ROBO2: variants seen among roughly 807,000 people sequenced by gnomAD.
The protein encoded by ROBO2 is roundabout guidance receptor 2.
ROBO2 carries 53 observed loss-of-function variants against 160.8 expected under a neutral mutation model. The ratio of observed to expected loss-of-function variants is 0.33; its 90% CI spans 0.26 to 0.41. ROBO2 has a LOEUF of 0.41. ROBO2 is among the 10% of genes least tolerant of loss of function. ROBO2 has a pLI of 1.00. For missense variants in ROBO2, 1,577 were observed against 1,722.4 expected, an observed-to-expected ratio of 0.92 and a Z score of 1.49; for synonymous variants, 664 against 611.7, an observed-to-expected ratio of 1.09 and a Z score of -1.26.
intron 2 of ROBO2, among the ~76,000 whole-genome samples, chr3:76,388,513 C>T (rs1367403234): frequency 3.9e-5 from 6 of 152,038 alleles, no homozygotes; most frequent in Admixed American, 2.0e-4. Flanking sequence ...CCTCGCGATC[C>T]GCCCACCTCA....
chr3:76,875,807 C>A (rs1451727506), intron 2 of ROBO2, among the ~76,000 whole-genome samples: 1 of 152,112 alleles, frequency 6.6e-6, no homozygotes. Context: ...GTGCCTGCTA[C>A]CACATCCTGT....
chr3:76,682,843 G>A (rs2092598478), intron 2 of ROBO2, among the ~76,000 whole-genome samples: 1 of 152,162 alleles, frequency 6.6e-6, no homozygotes, highest in African/African-American at 2.4e-5. Context: ...TCACGTGTTA[G>A]GTTGAAGATA....
chr3:76,922,985 C>G (rs1042296768), intron 2 of ROBO2, among the ~76,000 whole-genome samples: 2 of 152,184 alleles, frequency 1.3e-5, no homozygotes, highest in Non-Finnish European at 2.9e-5. Flanking sequence ...TATCCGCTCT[C>G]AAGAGAACTC....
At chr3:77,649,514 C>T (rs1385313480) in exon 26 of ROBO2, 1 of 152,136 alleles carries the variant, frequency 6.6e-6, no homozygotes, top group Non-Finnish European at 1.5e-5. Flanking sequence ...ATTTGTTCAT[C>T]TGCTTCTGTA....
intron 2 of ROBO2, among the ~76,000 whole-genome samples, chr3:76,121,536 T>A (rs2070753399): frequency 6.6e-6 from 1 of 152,172 alleles, no homozygotes; most frequent in Admixed American, 6.5e-5. Flanking sequence ...GTAACAGTTC[T>A]GGATCAAACC....
rs114520996 is a variant in ROBO2 at position 77,272,290 on chromosome 3, G to C, written c.388+173950G>C. Among the ~76,000 whole-genome samples the C allele has an allele frequency of 5.5e-3, 833 of 152,268 alleles. 9 individuals carry two copies. Among genetic ancestry groups the C allele is most frequent in the African/African-American group, 0.019 (807 of 41,570 alleles). ...ATTCATAAAGAAAAGAGGTTTAACT[G>C]TCTCACAGTTCCACAAGCTGTAGAG... On this transcript the variant is annotated intron_variant, in intron 2 of 25. Coordinates refer to ENST00000461745, the Ensembl canonical transcript of ROBO2.
At chr3:77,519,511 C>T (rs1561059591) in intron 5 of ROBO2, among the ~76,000 whole-genome samples, 1 of 151,252 alleles carries the variant, frequency 6.6e-6, no homozygotes, top group African/African-American at 2.4e-5. Flanking sequence ...CCCCCTCCTT[C>T]TCTCTTTCCT....
intron 2 of ROBO2, among the ~76,000 whole-genome samples, chr3:77,402,019 G>T (rs1171068597): frequency 6.6e-6 from 1 of 152,118 alleles, no homozygotes; most frequent in African/African-American, 2.4e-5. Context: ...GTAAAGACTT[G>T]CAACCAACCC....
chr3:76,943,705 T>A (rs2078339173), intron 2 of ROBO2, among the ~76,000 whole-genome samples: 1 of 152,324 alleles, frequency 6.6e-6, no homozygotes, highest in African/African-American at 2.4e-5. Context: ...ATCAGTACTT[T>A]TTTTTTCTAC....
chr3:76,213,719 A>G (rs184426756), intron 2 of ROBO2, among the ~76,000 whole-genome samples: 1 of 152,178 alleles, frequency 6.6e-6, no homozygotes, highest in Non-Finnish European at 1.5e-5. Context: ...AAGTCAAAAA[A>G]CTTTTAGACT....
chr3:76,744,197 T>A (rs1308147932), intron 2 of ROBO2, among the ~76,000 whole-genome samples: 1 of 152,120 alleles, frequency 6.6e-6, no homozygotes, highest in African/African-American at 2.4e-5. Flanking sequence ...GCTTAAACAA[T>A]AGGATTTTGT....
chr3:76,745,204 C>T (rs1014178945), intron 2 of ROBO2, among the ~76,000 whole-genome samples: 1 of 152,052 alleles, frequency 6.6e-6, no homozygotes, highest in Admixed American at 6.6e-5. Context: ...CAATATATCT[C>T]TATATTGGTG....
intron 2 of ROBO2, among the ~76,000 whole-genome samples, chr3:77,228,331 A>C (rs1310470854): frequency 1.3e-5 from 2 of 151,614 alleles, no homozygotes; most frequent in Non-Finnish European, 2.9e-5. Context: ...CACACAGCTA[A>C]TTTTTCTATT....
chr3:76,502,390 T>C (rs1343397186), intron 2 of ROBO2, among the ~76,000 whole-genome samples: 1 of 152,214 alleles, frequency 6.6e-6, no homozygotes, highest in African/African-American at 2.4e-5. Flanking sequence ...TTCTTTGCTC[T>C]AAAGTATAAA....
chr3:77,112,526 G>T (rs1579081395), intron 2 of ROBO2, among the ~76,000 whole-genome samples: 1 of 152,102 alleles, frequency 6.6e-6, no homozygotes, highest in Middle Eastern at 3.4e-3. Flanking sequence ...TTACAGGCGT[G>T]AGCCACCGCG....
intron 1 of ROBO2, among the ~76,000 whole-genome samples, chr3:75,912,766 G>A (rs946048526): frequency 6.6e-6 from 1 of 152,086 alleles, no homozygotes; most frequent in Non-Finnish European, 1.5e-5. Flanking sequence ...GATAATTACA[G>A]CAATAATATG....
intron 2 of ROBO2, among the ~76,000 whole-genome samples, chr3:77,356,763 G>A (rs899970360): frequency 4.6e-5 from 7 of 152,006 alleles, no homozygotes; most frequent in Non-Finnish European, 7.4e-5. Flanking sequence ...GTTGGGCTTC[G>A]TTTCTATAAT....
intron 2 of ROBO2, among the ~76,000 whole-genome samples, chr3:76,450,880 T>G (rs562774819): frequency 9.2e-5 from 14 of 152,302 alleles, no homozygotes; most frequent in African/African-American, 3.4e-4. Flanking sequence ...TTTTAAAAAT[T>G]TGTAATATAC....
chr3:77,634,836 T>C, intron 23 of ROBO2, 34 bp from the exon 25 acceptor site: 1 of 1,605,376 alleles, frequency 6.2e-7, no homozygotes, highest in Non-Finnish European at 8.5e-7. Flanking sequence ...ATAATGTCAT[T>C]CTCTAGAACC....
Sources: gnomAD v4.1 joint callset for allele counts (sites outside exome capture counted in the v4.1 genomes callset) on GRCh38, gnomAD v4.1.1 for gene constraint, MANE v1.5 for transcripts, NCBI Gene and HGNC (gene_info 2026-07-23, HGNC 2026-07-21) for gene names.